Variants in SLC35E2B observed in about 807,000 individuals in gnomAD.
The protein encoded by SLC35E2B is solute carrier family 35 member E2B, also known as solute carrier family 35, member E2B.
In SLC35E2B, 18 loss-of-function variants were observed where a neutral mutation model predicts 32.4. The observed-to-expected ratio is 0.56, with a 90% CI of 0.38 to 0.82. SLC35E2B has a LOEUF of 0.82. Among genes scored for constraint, SLC35E2B ranks in the 40% least tolerant of loss-of-function variants. SLC35E2B has a pLI of 0.00. For missense variants in SLC35E2B, 263 were observed against 469.5 expected (o/e 0.56, Z 4.06); for synonymous variants, 132 against 209.1 (o/e 0.63, Z 3.18).
At chr1:1,679,625 A>G (rs1254110203) in intron 2 of SLC35E2B, among the ~76,000 whole-genome samples, 1 of 151,040 alleles carries the variant, frequency 6.6e-6, no homozygotes, top group Non-Finnish European at 1.5e-5. Flanking sequence ...TCAGGAGTTC[A>G]TGACCAGCCT....
chr1:1,671,221 C>T (rs1477156554), intron 6 of SLC35E2B: 5 of 225,330 alleles, frequency 2.2e-5, no homozygotes, highest in African/African-American at 6.8e-5. Context: ...ACACACCGAG[C>T]GAGACACACT....
chr1:1,674,778 G>A (rs1346408276), intron 5 of SLC35E2B, among the ~76,000 whole-genome samples: 1 of 152,066 alleles, frequency 6.6e-6, no homozygotes, highest in African/African-American at 2.4e-5. Context: ...GTCCCCAAAG[G>A]CAGACAGACA....
Position 1,663,983 on chromosome 1 carries a change from G to A in SLC35E2B, c.*1799C>T. 1.3e-5 allele frequency: 4 copies of A among 316,338 alleles called. No homozygotes were observed. The highest frequency in any genetic ancestry group is 1.8e-5 in the Non-Finnish European group (4 of 217,786). The allele number at this position is 316,338 out of a possible 1,614,324, so 19.6% of individuals were successfully genotyped here. A position where few individuals can be genotyped will look rare whatever the true frequency, so the allele number is the denominator to read the frequency against. ...AGTGGGAAGGATTGCTTGAGCCGAG[G>A]AGTTCAAGACCAGCCTGGGCAACAA... On this transcript the variant is annotated 3_prime_UTR_variant, in exon 10 of 10. Coordinates refer to ENST00000617444, the MANE Select transcript of SLC35E2B (RefSeq NM_001290264.2).
At chr1:1,687,752 A>T (rs1297798700) in intron 2 of SLC35E2B, among the ~76,000 whole-genome samples, 5 of 143,468 alleles carry the variant, frequency 3.5e-5, no homozygotes, top group Non-Finnish European at 7.6e-5. Context: ...AAAAAAAAAG[A>T]TTAATCCTGG....
chr1:1,680,016 A>G (rs1248820348), intron 2 of SLC35E2B, among the ~76,000 whole-genome samples: 1 of 151,664 alleles, frequency 6.6e-6, no homozygotes, highest in Non-Finnish European at 1.5e-5. Context: ...AATCCCAGCT[A>G]CTCAGGAGGC....
Position 1,671,600 on chromosome 1 carries a change from C to A in SLC35E2B, c.616G>T (p.Val206Phe). ...GLLVNLSLIP[V>F]MGGLALCTAT... is the part of the protein sequence containing the mutation. ...GTGCACAGCGCCAGCCCGCCCATGA[C>A]TGGGATGAGGGAGAGGTTGACCAGC... Residue 206 changes from valine to phenylalanine, a missense_variant, in exon 6 of 10, where the codon GTC becomes TTC. This residue lies in a region of SLC35E2B where 129 missense variants were observed against 164.5 expected (regional missense o/e 0.78). Coordinates refer to ENST00000617444, the MANE Select transcript of SLC35E2B (RefSeq NM_001290264.2). The A allele has an allele frequency of 6.5e-7, 1 of 1,548,350 alleles. No homozygotes were observed. Among genetic ancestry groups the A allele is most frequent in the Admixed American group, 2.0e-5 (1 of 50,574 alleles).
At position 1,685,534 on chromosome 1, in the gene SLC35E2B, A is replaced by T. The variant is rs140193318; in HGVS notation, c.-148+5442T>A. Among the ~76,000 whole-genome samples, 428 of 152,140 alleles carry T rather than the reference A, an allele frequency of 2.8e-3. 3 individuals are homozygous for T. Among genetic ancestry groups the T allele is most frequent in the African/African-American group, 9.8e-3 (405 of 41,488 alleles). ...AGTGCAGTGAGGTGGGGGCGGCTCCAGGTCTGACTTTCAGAACCATGAAAA... is the reference window on the plus strand; with the variant it reads ...AGTGCAGTGAGGTGGGGGCGGCTCCTGGTCTGACTTTCAGAACCATGAAAA... On this transcript the variant is annotated intron_variant, in intron 2 of 9. Transcript: ENST00000617444.
chr1:1,674,656 A>C (rs1422649226), intron 5 of SLC35E2B, among the ~76,000 whole-genome samples: 1 of 151,344 alleles, frequency 6.6e-6, no homozygotes, highest in Admixed American at 6.6e-5. Context: ...ACAAAAAAAA[A>C]CCAGAGTTGA....
rs1362239141 is a variant in SLC35E2B at position 1,666,977 on chromosome 1, C to T, written c.981-958G>A. On this transcript the variant is annotated intron_variant, in intron 9 of 9. Coordinates refer to ENST00000617444, the MANE Select transcript of SLC35E2B (RefSeq NM_001290264.2). ...AAAATTAGCCGGGCATGGTGGCACA[C>T]GCCTGTAATCCCAGCTACTTGGGAG... Among the ~76,000 whole-genome samples the T allele has an allele frequency of 6.8e-5, 9 of 132,588 alleles. 1 individual carries two copies. The highest frequency in any genetic ancestry group is 1.3e-4 in the Non-Finnish European group (8 of 62,006). The allele number at this position is 132,588 out of a possible 152,430, so 87.0% of individuals were successfully genotyped here. A position where few individuals can be genotyped will look rare whatever the true frequency, so the allele number is the denominator to read the frequency against.
At position 1,671,218 on chromosome 1, in the gene SLC35E2B, G is replaced by A. The variant is rs147112056; in HGVS notation, c.707+291C>T. ...TCTGGCAGCCGCATGAAGACACACCGAGCGAGACACACTGCTGAGCGTATC... is the reference window on the plus strand; with the variant it reads ...TCTGGCAGCCGCATGAAGACACACCAAGCGAGACACACTGCTGAGCGTATC... On this transcript the variant is annotated intron_variant, in intron 6 of 9. Transcript: ENST00000617444. 566 of 218,000 alleles carry A rather than the reference G, an allele frequency of 2.6e-3. 10 individuals are homozygous for A. The highest frequency in any genetic ancestry group is 0.012 in the African/African-American group (533 of 43,972). The allele number at this position is 218,000 out of a possible 1,614,324, so 13.5% of individuals were successfully genotyped here.
intron 2 of SLC35E2B, among the ~76,000 whole-genome samples, chr1:1,688,111 TAA>T (rs1643973598): frequency 1.3e-5 from 2 of 151,736 alleles, no homozygotes; most frequent in South Asian, 4.2e-4. Flanking sequence ...CGTAACACAG[TAA>T]AGGATCAGAA....
intron 9 of SLC35E2B, among the ~76,000 whole-genome samples, chr1:1,667,264 T>C (rs1380433943): frequency 6.6e-6 from 1 of 150,528 alleles, no homozygotes; most frequent in African/African-American, 2.4e-5. Context: ...AAAAAAAAAA[T>C]TAGCCGGGCG....
In SLC35E2B at chr1:1,678,434, G is replaced by A. The variant is rs372073515; in HGVS notation, c.-147-1588C>T. 9.6e-4 allele frequency among the ~76,000 whole-genome samples: 146 copies of A among 152,118 alleles called. 1 individual carries two copies. Among genetic ancestry groups the A allele is most frequent in the African/African-American group, 3.4e-3 (141 of 41,496 alleles). On this transcript the variant is annotated intron_variant, in intron 2 of 9. Transcript: ENST00000617444. ...CAGTGGCGGCAATGCCAGGGCCTCT[G>A]CAGCCTTCCTCTCTCTCCTCCCCTC... is the stretch of plus-strand genomic sequence containing the variant.
rs1644031647 is a variant in SLC35E2B at position 1,692,747 on chromosome 1, G to A, written c.-864C>T. 1 of 984,208 alleles carries A rather than the reference G, an allele frequency of 1.0e-6. No homozygotes were observed. The highest frequency in any genetic ancestry group is 1.8e-5 in the African/African-American group (1 of 56,840). The allele number at this position is 984,208 out of a possible 1,614,324, so 61.0% of individuals were successfully genotyped here. On this transcript the variant is annotated 5_prime_UTR_variant, in exon 1 of 10. Coordinates refer to ENST00000617444, the MANE Select transcript of SLC35E2B (RefSeq NM_001290264.2). Reference sequence around the variant, plus strand: ...CCACGGAGCCGGGGAAACGCGCCGCGGCCCACAACGCCCCCGCGGCTGCCC... The same window carrying A: ...CCACGGAGCCGGGGAAACGCGCCGCAGCCCACAACGCCCCCGCGGCTGCCC...
chr1:1,665,061 C>G lies in SLC35E2B; in HGVS notation c.*721G>C. ...GTGCCCTGGGGTTGCGGGGAGCTCA[C>G]GCAGCCCAGGGTGTGGAAGGGATAG... On this transcript the variant is annotated 3_prime_UTR_variant, in exon 10 of 10. Coordinates refer to ENST00000617444, the MANE Select transcript of SLC35E2B (RefSeq NM_001290264.2). 7.1e-6 allele frequency: 5 copies of G among 705,818 alleles called. No homozygotes were observed. Among genetic ancestry groups the G allele is most frequent in the African/African-American group, 1.9e-5 (1 of 51,662 alleles). 43.7% of individuals were successfully genotyped at this position (705,818 alleles called of 1,614,324 possible).
rs1298679888 is a variant in SLC35E2B, at chr1:1,664,142, CACTGT to C, written c.*1635_*1639del. The C allele has an allele frequency of 1.5e-5, 6 of 394,582 alleles. No homozygotes were observed. Among genetic ancestry groups the C allele is most frequent in the African/African-American group, 1.3e-4 (6 of 46,286 alleles). The allele number at this position is 394,582 out of a possible 1,614,324, so 24.4% of individuals were successfully genotyped here. On this transcript the variant is annotated 3_prime_UTR_variant, in exon 10 of 10. Transcript: ENST00000617444. Reference sequence around the variant, plus strand: ...AGGCTGCAGTGAGCCAAGATCATGCCACTGTACTCCAGCCTGGGTGACAGACAGAG... The same window carrying C: ...AGGCTGCAGTGAGCCAAGATCATGCCACTCCAGCCTGGGTGACAGACAGAG...
chr1:1,682,283 CT>C (rs1643906496), intron 2 of SLC35E2B, among the ~76,000 whole-genome samples: 1 of 152,122 alleles, frequency 6.6e-6, no homozygotes, highest in Non-Finnish European at 1.5e-5. Flanking sequence ...TGGGTGGGCT[CT>C]TCACACCTTC....
At chr1:1,688,904 G>A (rs1483947262) in intron 2 of SLC35E2B, among the ~76,000 whole-genome samples, 1 of 151,776 alleles carries the variant, frequency 6.6e-6, no homozygotes, top group Non-Finnish European at 1.5e-5. Context: ...GGGCGCGGTG[G>A]CTCAAGCCTG....
Position 1,663,361 on chromosome 1 carries a change from A to T in SLC35E2B, c.*2421T>A, listed in dbSNP as rs1212987722. 1.0e-6 allele frequency: 1 copy of T among 963,826 alleles called. No individual in the cohort carries two copies. The highest frequency in any genetic ancestry group is 1.8e-5 in the African/African-American group (1 of 56,966). 59.7% of individuals were successfully genotyped at this position (963,826 alleles called of 1,614,324 possible). A position where few individuals can be genotyped will look rare whatever the true frequency, so the allele number is the denominator to read the frequency against. On this transcript the variant is annotated 3_prime_UTR_variant, in exon 10 of 10. Transcript: ENST00000617444. The stretch of plus-strand genomic sequence containing the variant: ...TCCTTATGCCAGACCACAATCTTCA[A>T]AGAGGCCGGCAGCCACATTCTCGAC...
Sources: gnomAD v4.1 joint callset for allele counts (sites outside exome capture counted in the v4.1 genomes callset) on GRCh38, gnomAD v4.1.1 for gene constraint, gnomAD v4.1.1 regional missense constraint, MANE v1.5 for transcripts, NCBI Gene and HGNC (gene_info 2026-07-23, HGNC 2026-07-21) for gene names.